The following ITCH variants were observed in gnomAD, a reference collection of about 807,000 sequenced individuals.
ITCH encodes itchy E3 ubiquitin protein ligase.
A neutral mutation model predicts 126.8 loss-of-function variants in ITCH; 28 were observed. That is an observed-to-expected ratio of 0.22 (90% CI 0.16 to 0.30). ITCH has a LOEUF of 0.30. Among genes scored for constraint, ITCH ranks in the 10% least tolerant of loss-of-function variants. The probability of loss-of-function intolerance (pLI) is 1.00; values close to 1 mark genes in which losing one functional copy is unlikely to be tolerated. For missense variants in ITCH, 631 were observed against 1,032.4 expected, an observed-to-expected ratio of 0.61 and a Z score of 5.33; for synonymous variants, 342 against 340.0, an observed-to-expected ratio of 1.01 and a Z score of -0.06.
At chr20:34,434,791 A>G (rs933451984) in intron 7 of ITCH, among the ~76,000 whole-genome samples, 3 of 152,204 alleles carry the variant, frequency 2.0e-5, no homozygotes, top group African/African-American at 7.2e-5. Context: ...TGGATTAGAG[A>G]TGTAGAAACT....
Position 34,363,836 on chromosome 20 carries a change from C to T in ITCH, c.-99+487C>T, listed in dbSNP as rs537784394. ...TCCGAGCCCCCAGTCGCTAGAAGGG[C>T]CCAGCACAGCGGCTGCCTCCCCTTC... On this transcript the variant is annotated intron_variant, in intron 1 of 24. Transcript: ENST00000374864. Among the ~76,000 whole-genome samples the T allele has an allele frequency of 2.4e-4, 37 of 152,298 alleles. 3 individuals carry two copies. The South Asian group carries it at 7.0e-3, about 29-fold the overall frequency.
At chr20:34,507,163 T>C (rs1990666679) in intron 24 of ITCH, among the ~76,000 whole-genome samples, 1 of 152,112 alleles carries the variant, frequency 6.6e-6, no homozygotes, top group Admixed American at 6.6e-5. Context: ...CGCCATACTG[T>C]TTTCCATAGT....
intron 19 of ITCH, 37 bp from the exon 20 acceptor site, chr20:34,481,029 G>T (rs1988696163): frequency 6.2e-7 from 1 of 1,603,818 alleles, no homozygotes; most frequent in Non-Finnish European, 8.5e-7. Context: ...GATTGAATTG[G>T]TGGATATAAC....
In ITCH at chr20:34,457,438, C is replaced by T. The variant is rs1936034847; in HGVS notation, c.1259C>T (p.Thr420Ile). Residue 420 changes from threonine to isoleucine, a missense_variant, in exon 13 of 25, where the codon ACA (threonine) becomes ATA (isoleucine). Around this residue, in one of 4 missense-constraint regions of ITCH, gnomAD observed 390 missense variants for 731.6 expected, o/e 0.53. Coordinates refer to ENST00000374864, the MANE Select transcript of ITCH (RefSeq NM_031483.7). The part of the protein sequence containing the change: ...NGRVYFVNHN[T>I]RITQWEDPRS... ...AGAGTATATTTCGTCAACCACAACACACGAATTACACAATGGGAAGACCCC... is the reference window on the plus strand; with the variant it reads ...AGAGTATATTTCGTCAACCACAACATACGAATTACACAATGGGAAGACCCC... 4.3e-6 allele frequency: 7 copies of T among 1,613,496 alleles called. No homozygotes were observed. Among genetic ancestry groups the T allele is most frequent in the Non-Finnish European group, 5.1e-6 (6 of 1,179,532 alleles).
rs777573141 is a variant in ITCH, at chr20:34,480,646, C to T, written c.1866C>T (p.Phe622=). ...TAGACACGGGTTTTTCTTTACCATT[C>T]TATAAGCGTATCTTGAACAAACCAG... ...KFIDTGFSLP[F]YKRILNKPVG... is the part of the protein sequence containing the mutation. Residue 622 remains phenylalanine, a synonymous_variant, in exon 19 of 25, where the codon TTC becomes TTT. Coordinates refer to ENST00000374864, the MANE Select transcript of ITCH (RefSeq NM_031483.7). The T allele has an allele frequency of 6.2e-7, 1 of 1,613,376 alleles. No homozygotes were observed. Among genetic ancestry groups the T allele is most frequent in the Non-Finnish European group, 8.5e-7 (1 of 1,179,432 alleles).
rs115168747 is a variant in ITCH at position 34,369,973 on chromosome 20, C to T, written c.-22+503C>T. Among the ~76,000 whole-genome samples, 528 of 151,850 alleles carry T rather than the reference C, an allele frequency of 3.5e-3. 2 individuals carry two copies. Among genetic ancestry groups the T allele is most frequent in the African/African-American group, 0.012 (504 of 41,410 alleles). ...AAAAAAAAATCAGCTGGTGTGGTGG[C>T]GTGTACCTGTAATCCTAGCTGATTG... On this transcript the variant is annotated intron_variant, in intron 2 of 24. Transcript: ENST00000374864.
chr20:34,367,992 C>T lies in ITCH; in HGVS notation c.-98-1402C>T, dbSNP rs764612845. 8.1e-4 allele frequency among the ~76,000 whole-genome samples: 123 copies of T among 152,074 alleles called. 1 individual carries two copies. The highest frequency in any genetic ancestry group is 1.5e-4 in the Non-Finnish European group (10 of 68,020). Reference sequence around the variant, plus strand: ...TGTCTTAAGAAATTTGTGTTAGGGCCGGGCGCGGTGGCTCATGCCTGTAAT... The same window carrying T: ...TGTCTTAAGAAATTTGTGTTAGGGCTGGGCGCGGTGGCTCATGCCTGTAAT... On this transcript the variant is annotated intron_variant, in intron 1 of 24. Transcript: ENST00000374864.
In ITCH at chr20:34,449,625, C is replaced by G. The variant is rs541875790; in HGVS notation, c.1210+145C>G. Reference sequence around the variant, plus strand: ...GGAAGTTTTTTTTTAATATATATATCAGTTTAATTCACAAATAGGCATTAA... The same window carrying G: ...GGAAGTTTTTTTTTAATATATATATGAGTTTAATTCACAAATAGGCATTAA... On this transcript the variant is annotated intron_variant, in intron 12 of 24. Transcript: ENST00000374864. 3.7e-4 allele frequency: 231 copies of G among 627,084 alleles called. No homozygotes were observed. The East Asian group carries it at 6.3e-3, about 17-fold the overall frequency. The allele number at this position is 627,084 out of a possible 1,614,324, so 38.8% of individuals were successfully genotyped here. A position where few individuals can be genotyped will look rare whatever the true frequency, so the allele number is the denominator to read the frequency against.
intron 7 of ITCH, among the ~76,000 whole-genome samples, chr20:34,429,528 A>T (rs1982005795): frequency 6.6e-6 from 1 of 152,200 alleles, no homozygotes; most frequent in African/African-American, 2.4e-5. Context: ...ATGCTGCTAG[A>T]CCAGGGTCTA....
chr20:34,468,875 CA>C (rs1182007854), intron 14 of ITCH, among the ~76,000 whole-genome samples: 1 of 151,660 alleles, frequency 6.6e-6, no homozygotes, highest in African/African-American at 2.4e-5. Context: ...TCCCCTCACA[CA>C]AATAACGTTT....
chr20:34,447,938 A>G (rs1428809971), intron 11 of ITCH, among the ~76,000 whole-genome samples: 1 of 152,196 alleles, frequency 6.6e-6, no homozygotes, highest in Non-Finnish European at 1.5e-5. Context: ...GCTGCTCTAT[A>G]TTGAGATTTA....
intron 3 of ITCH, among the ~76,000 whole-genome samples, chr20:34,395,099 G>A (rs1434829039): frequency 9.2e-5 from 14 of 151,754 alleles, no homozygotes; most frequent in South Asian, 4.2e-4. Context: ...TGTGCGTGGC[G>A]GTGCACACCT....
At chr20:34,483,443 ATCTCTCTCAAGTACAATCG>A (rs908029627) in intron 20 of ITCH, among the ~76,000 whole-genome samples, 5 of 152,152 alleles carry the variant, frequency 3.3e-5, no homozygotes, top group Admixed American at 2.6e-4. Flanking sequence ...ACCCTAAATC[ATCTCTCTCAAGTACAATCG>A]TCTCTCTCAA....
Position 34,481,191 on chromosome 20 carries a change from A to G in ITCH, c.2078A>G (p.Lys693Arg). ...AATATTCTTGTAACAGAAGAAAATA[A>G]AGAGGAATACATCAGGTGAGAGTGC... ...GGNILVTEEN[K>R]EEYIRMVAEW... Residue 693 changes from lysine to arginine, a missense_variant, in exon 20 of 25, where the codon AAA becomes AGA. Physicochemically the swap from Lys to Arg is conservative, Grantham distance 26. This residue lies in a region of ITCH where 390 missense variants were observed against 731.6 expected (regional missense o/e 0.53). Transcript: ENST00000374864. 1 of 1,613,512 alleles carries G rather than the reference A, an allele frequency of 6.2e-7. No homozygotes were observed.
chr20:34,373,124 G>A (rs570120672), intron 2 of ITCH, among the ~76,000 whole-genome samples: 172 of 152,070 alleles, frequency 1.1e-3, no homozygotes, highest in African/African-American at 4.0e-3. Context: ...ATAGGCATGT[G>A]CCACCACGCC....
chr20:34,485,207 T>C (rs774075712), intron 20 of ITCH, among the ~76,000 whole-genome samples: 2 of 152,222 alleles, frequency 1.3e-5, no homozygotes, highest in Non-Finnish European at 2.9e-5. Context: ...TGATAAATGT[T>C]TTGGTTGTTT....
At chr20:34,455,778 A>G (rs542523735) in intron 12 of ITCH, among the ~76,000 whole-genome samples, 35 of 152,026 alleles carry the variant, frequency 2.3e-4, no homozygotes, top group South Asian at 6.2e-4. Context: ...GCGCCCGGCC[A>G]ATATCCACAT....
chr20:34,437,762 C>T (rs10485505), intron 7 of ITCH, among the ~76,000 whole-genome samples: 8,717 of 152,272 alleles, frequency 0.057, 322 homozygotes, highest in East Asian at 0.17. Flanking sequence ...TGTTTCTAAT[C>T]TATGACTAGA....
chr20:34,484,450 A>C (rs1988971213), intron 20 of ITCH, among the ~76,000 whole-genome samples: 1 of 152,238 alleles, frequency 6.6e-6, no homozygotes, highest in African/African-American at 2.4e-5. Context: ...ATCTGCTTTT[A>C]AAATGTAGTC....
Sources: gnomAD v4.1 joint callset for allele counts (sites outside exome capture counted in the v4.1 genomes callset) on GRCh38, gnomAD v4.1.1 for gene constraint, gnomAD v4.1.1 regional missense constraint, MANE v1.5 for transcripts, NCBI Gene and HGNC (gene_info 2026-07-23, HGNC 2026-07-21) for gene names.